KCNMB2: variants seen among roughly 807,000 people sequenced by gnomAD.
The protein encoded by KCNMB2 is potassium calcium-activated channel subfamily M regulatory beta subunit 2, also known as calcium-activated potassium channel subunit beta-2.
A neutral mutation model predicts 24.5 loss-of-function variants in KCNMB2; 9 were observed. The ratio of observed to expected loss-of-function variants is 0.37; its 90% confidence interval spans 0.22 to 0.64. The LOEUF (loss-of-function observed/expected upper bound fraction) is 0.64, where lower values mean the gene tolerates loss of function less well. Ranked by LOEUF, KCNMB2 falls within the 30% of genes least tolerant of loss-of-function variation. KCNMB2 has a pLI of 0.63. For synonymous variants in KCNMB2, 109 were observed against 104.4 expected, an observed-to-expected ratio of 1.04 and a Z score of -0.27; for missense variants, 226 against 284.3, an observed-to-expected ratio of 0.79 and a Z score of 1.47.
intron 1 of KCNMB2, among the ~76,000 whole-genome samples, chr3:178,785,359 C>T (rs960491366): frequency 2.0e-5 from 3 of 151,760 alleles, no homozygotes; most frequent in Admixed American, 2.0e-4. Flanking sequence ...ATTCTATATC[C>T]TATAAATTTA....
Position 178,698,819 on chromosome 3 carries a change from A to G in KCNMB2, c.-67-108524A>G, listed in dbSNP as rs58860746. On this transcript the variant is annotated intron_variant, in intron 1 of 4. Coordinates refer to ENST00000452583, the MANE Select transcript of KCNMB2 (RefSeq NM_181361.3). The stretch of plus-strand genomic sequence containing the variant: ...TTTATTCTATTGGACAACCTTGGAG[A>G]TTTAATTGTGGTATAAGGTGGATTC... Among the ~76,000 whole-genome samples the G allele has an allele frequency of 1.7e-3, 255 of 152,050 alleles. 1 individual carries two copies. The highest frequency in any genetic ancestry group is 5.9e-3 in the African/African-American group (244 of 41,460).
At chr3:178,829,578 A>AT (rs1298859226) in intron 4 of KCNMB2, among the ~76,000 whole-genome samples, 2 of 152,224 alleles carry the variant, frequency 1.3e-5, no homozygotes, top group African/African-American at 2.4e-5. Context: ...GTGCTGCAGT[A>AT]TGTAAAGCCT....
In KCNMB2 at chr3:178,582,634, G is replaced by A. The variant is rs189346666; in HGVS notation, c.-68+45923G>A. Among the ~76,000 whole-genome samples, 625 of 152,180 alleles carry A rather than the reference G, an allele frequency of 4.1e-3. 6 individuals are homozygous for A. Among genetic ancestry groups the A allele is most frequent in the Admixed American group, 9.6e-3 (147 of 15,266 alleles). On this transcript the variant is annotated intron_variant, in intron 1 of 4. Transcript: ENST00000452583. ...AAATACAGGGCAAGTCATTCAAAAG[G>A]TCACTTTTTTGATTGACCTCTTCTC...
At chr3:178,735,135 G>C (rs1414179359) in intron 1 of KCNMB2, among the ~76,000 whole-genome samples, 1 of 152,238 alleles carries the variant, frequency 6.6e-6, no homozygotes, top group Non-Finnish European at 1.5e-5. Flanking sequence ...ACAAACCCAA[G>C]TAAGGTTGAA....
At chr3:178,551,885 T>C (rs1267832446) in intron 1 of KCNMB2, among the ~76,000 whole-genome samples, 1 of 152,114 alleles carries the variant, frequency 6.6e-6, no homozygotes, top group African/African-American at 2.4e-5. Context: ...CCTTCAGATA[T>C]CCCATTTGAC....
chr3:178,545,674 T>G (rs1428700594), intron 1 of KCNMB2, among the ~76,000 whole-genome samples: 1 of 152,232 alleles, frequency 6.6e-6, no homozygotes, highest in African/African-American at 2.4e-5. Context: ...TTAGACTATA[T>G]GAAGAATGTA....
chr3:178,699,986 C>A (rs1463947729), intron 1 of KCNMB2, among the ~76,000 whole-genome samples: 1 of 152,198 alleles, frequency 6.6e-6, no homozygotes, highest in African/African-American at 2.4e-5. Flanking sequence ...AAAAATGAGT[C>A]CCAGTGTGCA....
chr3:178,783,095 T>G (rs1388181266), intron 1 of KCNMB2, among the ~76,000 whole-genome samples: 2 of 151,460 alleles, frequency 1.3e-5, no homozygotes, highest in South Asian at 2.1e-4. Context: ...AAAGATCAGA[T>G]AGTTGTAGAT....
rs76933495 is a variant in KCNMB2 at position 178,776,328 on chromosome 3, G to A, written c.-67-31015G>A. ...TCTCTTTAGTCTAATCAGTCATCAA[G>A]CCCTGACCCTATATCTTCTAAATAC... On this transcript the variant is annotated intron_variant, in intron 1 of 4. Coordinates refer to ENST00000452583, the MANE Select transcript of KCNMB2 (RefSeq NM_181361.3). Among the ~76,000 whole-genome samples, 4 of 152,072 alleles carry A rather than the reference G, an allele frequency of 2.6e-5. No individual in the cohort carries two copies. In the East Asian group the frequency reaches 7.7e-4, roughly 29 times the overall value.
At chr3:178,553,185 C>G (rs1716013547) in intron 1 of KCNMB2, among the ~76,000 whole-genome samples, 1 of 152,164 alleles carries the variant, frequency 6.6e-6, no homozygotes, top group Admixed American at 6.5e-5. Context: ...CATCTAAAGT[C>G]AGTTAAGATT....
At chr3:178,833,452 T>G (rs115468548) in intron 4 of KCNMB2, among the ~76,000 whole-genome samples, 94 of 152,312 alleles carry the variant, frequency 6.2e-4, no homozygotes, top group Non-Finnish European at 1.1e-3. Flanking sequence ...ATATACACAC[T>G]GAAAATACAC....
intron 1 of KCNMB2, among the ~76,000 whole-genome samples, chr3:178,688,121 A>G (rs1365649423): frequency 6.6e-6 from 1 of 152,168 alleles, no homozygotes; most frequent in African/African-American, 2.4e-5. Flanking sequence ...TTGCTTTTGC[A>G]TTTCAAATAA....
chr3:178,756,624 C>G (rs911017380), intron 1 of KCNMB2, among the ~76,000 whole-genome samples: 1 of 152,040 alleles, frequency 6.6e-6, no homozygotes, highest in Non-Finnish European at 1.5e-5. Flanking sequence ...GTCCATTATG[C>G]CTATTTTTAT....
In KCNMB2 at chr3:178,660,993, A is replaced by AT. The variant is rs1553829585; in HGVS notation, c.-68+124283dup. ...TTTATATATACACATACATATATAT[A>AT]TATTATTATTATATTTTAAGTTCTG... On this transcript the variant is annotated intron_variant, in intron 1 of 4. Coordinates refer to ENST00000452583, the MANE Select transcript of KCNMB2 (RefSeq NM_181361.3). 5.7e-4 allele frequency among the ~76,000 whole-genome samples: 86 copies of AT among 150,000 alleles called. 1 individual carries two copies. The highest frequency in any genetic ancestry group is 1.8e-3 in the African/African-American group (75 of 40,844).
At chr3:178,767,871 C>A (rs1020643533) in intron 1 of KCNMB2, among the ~76,000 whole-genome samples, 4 of 152,204 alleles carry the variant, frequency 2.6e-5, no homozygotes, top group Non-Finnish European at 5.9e-5. Context: ...ATGGATGAAA[C>A]ACTCCTTATC....
At chr3:178,546,934 G>A (rs907491084) in intron 1 of KCNMB2, among the ~76,000 whole-genome samples, 9 of 152,170 alleles carry the variant, frequency 5.9e-5, no homozygotes, top group Non-Finnish European at 1.3e-4. Flanking sequence ...GTGAGATGGC[G>A]GAAAGATGGC....
intron 1 of KCNMB2, among the ~76,000 whole-genome samples, chr3:178,562,914 TA>T (rs1381979499): frequency 3.3e-5 from 5 of 152,270 alleles, no homozygotes; most frequent in African/African-American, 1.2e-4. Context: ...AGCAGAAAGA[TA>T]GTCAAATTCC....
At chr3:178,637,885 T>C (rs1337697911) in intron 1 of KCNMB2, among the ~76,000 whole-genome samples, 1 of 152,208 alleles carries the variant, frequency 6.6e-6, no homozygotes, top group African/African-American at 2.4e-5. Flanking sequence ...AGTCCCACAA[T>C]GATTTCAGTA....
chr3:178,600,510 C>T (rs761190670), intron 1 of KCNMB2, among the ~76,000 whole-genome samples: 2 of 152,114 alleles, frequency 1.3e-5, no homozygotes, highest in Non-Finnish European at 1.5e-5. Flanking sequence ...AAAAGCTATA[C>T]ATTGGAAAAT....
Sources: allele counts gnomAD v4.1 joint callset (sites outside exome capture counted in the v4.1 genomes callset), GRCh38; gene constraint gnomAD v4.1.1; transcripts MANE v1.5; gene names NCBI Gene and HGNC (gene_info 2026-07-23, HGNC 2026-07-21).